FBN2: variants seen among roughly 807,000 people sequenced by gnomAD.
The protein encoded by FBN2 is fibrillin 2.
A neutral mutation model predicts 355.6 loss-of-function variants in FBN2; 105 were observed. The ratio of observed to expected loss-of-function variants is 0.30; its 90% CI spans 0.25 to 0.35. FBN2 has a LOEUF of 0.35. Among genes scored for constraint, FBN2 ranks in the 10% least tolerant of loss-of-function variants. The probability of loss-of-function intolerance (pLI) is 1.00; values close to 1 mark genes in which losing one functional copy is unlikely to be tolerated. For synonymous variants in FBN2, 1,350 were observed against 1,301.2 expected (o/e 1.04, Z -0.81); for missense variants, 3,280 against 3,758.7 (o/e 0.87, Z 3.33).
At chr5:128,479,889 T>G (rs916884821) in intron 5 of FBN2, among the ~76,000 whole-genome samples, 2 of 148,368 alleles carry the variant, frequency 1.3e-5, no homozygotes, top group African/African-American at 4.9e-5. Context: ...TTCATGCCAC[T>G]GCATTCTAGC....
intron 5 of FBN2, among the ~76,000 whole-genome samples, chr5:128,476,036 G>A (rs988956330): frequency 5.9e-5 from 9 of 152,082 alleles, no homozygotes; most frequent in Non-Finnish European, 1.0e-4. Flanking sequence ...AAATGTCTTG[G>A]GGTGACATTT....
At chr5:128,284,365 C>T (rs1429316517) in intron 55 of FBN2, among the ~76,000 whole-genome samples, 2 of 152,142 alleles carry the variant, frequency 1.3e-5, no homozygotes, top group East Asian at 1.9e-4. Context: ...AGTCCATCCC[C>T]AGGGCCCATA....
At chr5:128,519,798 G>A (rs1756380927) in intron 4 of FBN2, among the ~76,000 whole-genome samples, 1 of 151,432 alleles carries the variant, frequency 6.6e-6, no homozygotes, top group South Asian at 2.1e-4. Flanking sequence ...GCACAGGGAA[G>A]GAGTAGGAGG....
At chr5:128,325,660 T>A (rs777499767) in intron 34 of FBN2, among the ~76,000 whole-genome samples, 1 of 152,210 alleles carries the variant, frequency 6.6e-6, no homozygotes, top group Non-Finnish European at 1.5e-5. Flanking sequence ...GGTTGTTTAG[T>A]ACCTTTTTTC....
intron 7 of FBN2, among the ~76,000 whole-genome samples, chr5:128,438,799 T>C (rs1031747103): frequency 1.3e-5 from 2 of 152,184 alleles, no homozygotes; most frequent in Non-Finnish European, 2.9e-5. Flanking sequence ...TTTAAATTTT[T>C]TGAATAAGTA....
Position 128,344,493 on chromosome 5 carries a change from C to T in FBN2, c.3235G>A (p.Ala1079Thr), listed in dbSNP as rs774996980. 2 of 1,613,726 alleles carry T rather than the reference C, an allele frequency of 1.2e-6. No individual in the cohort carries two copies. The highest frequency in any genetic ancestry group is 1.7e-6 in the Non-Finnish European group (2 of 1,179,710). Residue 1079 changes from alanine (A) to threonine (T), a missense_variant, in exon 25 of 65, where the codon GCA becomes ACA. This residue lies in a region of FBN2 where 2,284 missense variants were observed against 2,749.5 expected (regional missense o/e 0.83). Coordinates refer to ENST00000262464, the MANE Select transcript of FBN2 (RefSeq NM_001999.4). Reference sequence around the variant, plus strand: ...CCATAAGTGCACATCCCAGGAAATGCTTTGCATTCATTGATGTCTAAAAGC... The same window carrying T: ...CCATAAGTGCACATCCCAGGAAATGTTTTGCATTCATTGATGTCTAAAAGC... ...PFYKDINECK[A>T]FPGMCTYGKC...
chr5:128,469,239 A>G (rs559063276), intron 5 of FBN2, among the ~76,000 whole-genome samples: 14 of 152,298 alleles, frequency 9.2e-5, no homozygotes, highest in African/African-American at 3.1e-4. Context: ...CAAAGGCCCT[A>G]TGAAGGGGTG....
intron 7 of FBN2, among the ~76,000 whole-genome samples, chr5:128,415,189 A>G (rs2127007882): frequency 6.6e-6 from 1 of 152,264 alleles, no homozygotes; most frequent in Non-Finnish European, 1.5e-5. Flanking sequence ...CTTGACTATC[A>G]TTTCTATGTG....
intron 7 of FBN2, among the ~76,000 whole-genome samples, chr5:128,436,774 A>G (rs1233624428): frequency 6.6e-6 from 1 of 152,200 alleles, no homozygotes; most frequent in Admixed American, 6.5e-5. Context: ...TGGAAGAGAC[A>G]TAAAAAGTAA....
chr5:128,368,844 T>A lies in FBN2; in HGVS notation c.2248+338A>T, dbSNP rs565410871. ...TGCCACCACACCCAGCTAATTAAGA[T>A]TTTTTTTTTTTTTTTACCAAGACAG... On this transcript the variant is annotated intron_variant, in intron 16 of 64. Coordinates refer to ENST00000262464, the MANE Select transcript of FBN2 (RefSeq NM_001999.4). Among the ~76,000 whole-genome samples, 8 of 97,864 alleles carry A rather than the reference T, an allele frequency of 8.2e-5. No homozygotes were observed. The South Asian group carries it at 1.9e-3, about 24-fold the overall frequency. 64.2% of individuals were successfully genotyped at this position (97,864 alleles called of 152,430 possible). A position where few individuals can be genotyped will look rare whatever the true frequency, so the allele number is the denominator to read the frequency against.
At chr5:128,422,564 T>G (rs114308814) in intron 7 of FBN2, among the ~76,000 whole-genome samples, 15 of 152,238 alleles carry the variant, frequency 9.9e-5, no homozygotes, top group African/African-American at 3.4e-4. Flanking sequence ...AATGAACTAA[T>G]TAATGGCAAG....
chr5:128,367,438 T>A (rs560042464), intron 16 of FBN2, among the ~76,000 whole-genome samples: 29 of 152,268 alleles, frequency 1.9e-4, no homozygotes, highest in Middle Eastern at 3.4e-3. Context: ...CTGCTGTTTT[T>A]TCTATAGAGG....
At chr5:128,286,610 C>T in intron 55 of FBN2, 108 bp downstream of exon 55, 2 of 1,332,828 alleles carry the variant, frequency 1.5e-6, no homozygotes, top group Non-Finnish European at 2.2e-6. Context: ...TGCCTTAACA[C>T]AGCTGGAAAA....
Position 128,311,415 on chromosome 5 carries a change from T to C in FBN2, c.4959A>G (p.Glu1653=). The C allele has an allele frequency of 6.2e-7, 1 of 1,614,134 alleles. No homozygotes were observed. The highest frequency in any genetic ancestry group is 1.1e-5 in the South Asian group (1 of 91,076). The part of the protein sequence containing the change: ...PITIILEDID[E]CQELPGLCQG... ...GGCAGAGACCTGGTAACTCCTGGCA[T>C]TCGTCAATGTCTACAAAAAGGGAGA... The change falls in exon 39 of 65, where the codon GAA becomes GAG. Residue 1653 remains glutamate, a synonymous_variant. Coordinates refer to ENST00000262464, the MANE Select transcript of FBN2 (RefSeq NM_001999.4).
chr5:128,296,872 T>A lies in FBN2; in HGVS notation c.6166+3945A>T, dbSNP rs1016088384. Among the ~76,000 whole-genome samples the A allele has an allele frequency of 2.3e-3, 344 of 151,846 alleles. 2 individuals are homozygous for A. Among genetic ancestry groups the A allele is most frequent in the African/African-American group, 7.8e-3 (325 of 41,536 alleles). On this transcript the variant is annotated intron_variant, in intron 48 of 64. Coordinates refer to ENST00000262464, the MANE Select transcript of FBN2 (RefSeq NM_001999.4). ...CTCTGATTTTAGTTATTTCTTGCCT[T>A]CTGCTAGCTTTTGAATGTGTTTGCT...
chr5:128,291,165 C>T (rs1237847980), intron 49 of FBN2, among the ~76,000 whole-genome samples: 1 of 152,072 alleles, frequency 6.6e-6, no homozygotes, highest in East Asian at 1.9e-4. Flanking sequence ...TTCACTGTTG[C>T]ATGATAGTCT....
chr5:128,522,984 G>GT (rs886254208), intron 4 of FBN2, among the ~76,000 whole-genome samples: 3 of 152,226 alleles, frequency 2.0e-5, no homozygotes, highest in Middle Eastern at 3.4e-3. Flanking sequence ...AAAACACACT[G>GT]TTTTTCCTGT....
rs753596079 is a variant in FBN2 at position 128,277,976 on chromosome 5, G to T, written c.7375C>A (p.Leu2459Ile). The T allele has an allele frequency of 6.2e-7, 1 of 1,613,850 alleles. No homozygotes were observed. Among genetic ancestry groups the T allele is most frequent in the South Asian group, 1.1e-5 (1 of 91,080 alleles). ...TTGATGCACTGACCATTGGTGCAGAGGTTTGGCATTACCTTACATTCATCA... is the reference window on the plus strand; with the variant it reads ...TTGATGCACTGACCATTGGTGCAGATGTTTGGCATTACCTTACATTCATCA... Reference protein sequence around the residue: ...DIDECKVMPNLCTNGQCINTM... With the variant: ...DIDECKVMPNICTNGQCINTM... The change falls in exon 58 of 65, where the codon CTC becomes ATC. Residue 2459 changes from leucine (L) to isoleucine (I), a missense_variant. Leu to Ile is a conservative substitution (Grantham distance 5). Coordinates refer to ENST00000262464, the MANE Select transcript of FBN2 (RefSeq NM_001999.4).
At chr5:128,368,015 A>G (rs1751819611) in intron 16 of FBN2, among the ~76,000 whole-genome samples, 1 of 152,070 alleles carries the variant, frequency 6.6e-6, no homozygotes. Context: ...CTCCATATGG[A>G]AAGTTCTTAC....
Sources: gnomAD v4.1 joint callset for allele counts (sites outside exome capture counted in the v4.1 genomes callset) on GRCh38, gnomAD v4.1.1 for gene constraint, gnomAD v4.1.1 regional missense constraint, MANE v1.5 for transcripts, NCBI Gene and HGNC (gene_info 2026-07-23, HGNC 2026-07-21) for gene names.